The following B3GALT1 variants were observed in gnomAD, a reference collection of about 807,000 sequenced individuals.
B3GALT1 encodes beta-1,3-galactosyltransferase 1, also known as UDP-Gal:betaGlcNAc beta 1,3-galactosyltransferase, polypeptide 1.
A neutral mutation model predicts 23.2 loss-of-function variants in B3GALT1; 10 were observed. The observed-to-expected ratio is 0.43, with a 90% CI of 0.27 to 0.73. The LOEUF is 0.73. Among genes scored for constraint, B3GALT1 ranks in the 30% least tolerant of loss-of-function variants. B3GALT1 has a pLI of 0.21. For synonymous variants in B3GALT1, 156 were observed against 141.5 expected (o/e 1.10, Z -0.73); for missense variants, 299 against 405.4 (o/e 0.74, Z 2.25).
chr2:167,392,804 A>G (rs1329315291), intron 1 of B3GALT1, among the ~76,000 whole-genome samples: 1 of 152,196 alleles, frequency 6.6e-6, no homozygotes, highest in Non-Finnish European at 1.5e-5. Flanking sequence ...ATTATAATTT[A>G]TTTTAATTTA....
chr2:167,813,022 C>T (rs1006152234), intron 3 of B3GALT1, among the ~76,000 whole-genome samples: 1 of 147,766 alleles, frequency 6.8e-6, no homozygotes, highest in Non-Finnish European at 1.5e-5. Flanking sequence ...TTCAGGGTCC[C>T]TCTGTTTTTT....
chr2:167,682,406 G>A (rs1686547620), intron 3 of B3GALT1, among the ~76,000 whole-genome samples: 1 of 152,018 alleles, frequency 6.6e-6, no homozygotes, highest in African/African-American at 2.4e-5. Context: ...TATCACAATG[G>A]TCCCATTTGC....
chr2:167,528,892 G>A (rs991727880), intron 2 of B3GALT1, among the ~76,000 whole-genome samples: 1 of 152,016 alleles, frequency 6.6e-6, no homozygotes, highest in Admixed American at 6.6e-5. Flanking sequence ...TTGATCTTGG[G>A]TCTGCTTCTG....
At chr2:167,502,758 G>A (rs974744267) in intron 2 of B3GALT1, among the ~76,000 whole-genome samples, 1 of 152,192 alleles carries the variant, frequency 6.6e-6, no homozygotes, top group African/African-American at 2.4e-5. Flanking sequence ...TTTGACATGA[G>A]GCCGGGCACT....
In B3GALT1 at chr2:167,871,250, C is replaced by T. The variant is rs1690341436; in HGVS notation, c.*1230C>T. 2.0e-5 allele frequency: 3 copies of T among 152,176 alleles called. No individual in the cohort carries two copies. 9.4% of individuals were successfully genotyped at this position (152,176 alleles called of 1,614,324 possible). On this transcript the variant is annotated 3_prime_UTR_variant, in exon 5 of 5. Coordinates refer to ENST00000392690, the MANE Select transcript of B3GALT1 (RefSeq NM_020981.4). ...TTTATAAAAATGGCTGTAAAAAACACCTACCTCACAGGTGCTGTGAGAGCA... is the reference window on the plus strand; with the variant it reads ...TTTATAAAAATGGCTGTAAAAAACATCTACCTCACAGGTGCTGTGAGAGCA...
chr2:167,861,118 C>G (rs921738098), intron 4 of B3GALT1, among the ~76,000 whole-genome samples: 1 of 152,092 alleles, frequency 6.6e-6, no homozygotes, highest in African/African-American at 2.4e-5. Flanking sequence ...GATGCCAAAC[C>G]ATCATGATTT....
intron 3 of B3GALT1, among the ~76,000 whole-genome samples, chr2:167,657,433 T>G (rs1309457535): frequency 6.6e-6 from 1 of 152,074 alleles, no homozygotes; most frequent in East Asian, 1.9e-4. Context: ...AGGAGTATTA[T>G]CAGTGGTGAA....
intron 4 of B3GALT1, among the ~76,000 whole-genome samples, chr2:167,867,150 T>A (rs1690244147): frequency 1.3e-5 from 2 of 152,130 alleles, no homozygotes; most frequent in East Asian, 1.9e-4. Flanking sequence ...ATGGTCTCGA[T>A]CTCCTGACCT....
At chr2:167,561,777 A>G (rs553408719) in intron 2 of B3GALT1, among the ~76,000 whole-genome samples, 5 of 152,310 alleles carry the variant, frequency 3.3e-5, no homozygotes, top group Admixed American at 1.3e-4. Context: ...ATCTCTGAAT[A>G]GACCAATAAC....
intron 1 of B3GALT1, among the ~76,000 whole-genome samples, chr2:167,413,674 T>C (rs1029969925): frequency 6.6e-6 from 1 of 151,970 alleles, no homozygotes; most frequent in African/African-American, 2.4e-5. Context: ...TTACTACAGA[T>C]TTCTTCAGGT....
chr2:167,495,328 T>C lies in B3GALT1; in HGVS notation c.-410+5051T>C, dbSNP rs919626364. On this transcript the variant is annotated intron_variant, in intron 2 of 4. Transcript: ENST00000392690. ...GCTTTTTTCGCCAGCTTGCTTGCCT[T>C]TTTTTTTTTTTTTTTTTTTTTTGTG... Among the ~76,000 whole-genome samples the C allele has an allele frequency of 4.0e-5, 5 of 126,070 alleles. No homozygotes were observed. In the South Asian group the frequency reaches 1.0e-3, roughly 26 times the overall value. 82.7% of individuals were successfully genotyped at this position (126,070 alleles called of 152,430 possible). A position where few individuals can be genotyped will look rare whatever the true frequency, so the allele number is the denominator to read the frequency against.
chr2:167,590,324 C>T (rs1055849366), intron 2 of B3GALT1, among the ~76,000 whole-genome samples: 19 of 125,976 alleles, frequency 1.5e-4, no homozygotes, highest in African/African-American at 3.7e-4. Flanking sequence ...CCAGCCTGGG[C>T]GACAGAGCAA....
chr2:167,552,195 C>T (rs1683761219), intron 2 of B3GALT1, among the ~76,000 whole-genome samples: 1 of 152,188 alleles, frequency 6.6e-6, no homozygotes, highest in South Asian at 2.1e-4. Flanking sequence ...ATCTTCGACC[C>T]TGCATTGTCT....
chr2:167,475,724 CCATACCA>C (rs1699476138), intron 1 of B3GALT1, among the ~76,000 whole-genome samples: 1 of 152,044 alleles, frequency 6.6e-6, no homozygotes, highest in South Asian at 2.1e-4. Context: ...GGGGGTACTA[CCATACCA>C]CATACTGGCG....
chr2:167,618,884 A>T (rs1821135), intron 2 of B3GALT1, among the ~76,000 whole-genome samples: 108,824 of 151,698 alleles, frequency 0.72, 40,251 homozygotes, highest in Admixed American at 0.84. Flanking sequence ...TTTCCTGATG[A>T]TGTTAACATT....
At chr2:167,691,508 C>CA (rs11312260) in intron 3 of B3GALT1, among the ~76,000 whole-genome samples, 5 of 152,044 alleles carry the variant, frequency 3.3e-5, no homozygotes, top group Non-Finnish European at 2.9e-5. Flanking sequence ...AAGATCATCA[C>CA]AAAAAAACTT....
At chr2:167,666,857 A>G (rs950045687) in intron 3 of B3GALT1, among the ~76,000 whole-genome samples, 1 of 151,978 alleles carries the variant, frequency 6.6e-6, no homozygotes, top group Non-Finnish European at 1.5e-5. Context: ...TGCCTGTGAG[A>G]TGGGTTTACT....
intron 1 of B3GALT1, among the ~76,000 whole-genome samples, chr2:167,367,231 T>C (rs574035866): frequency 6.6e-6 from 1 of 152,270 alleles, no homozygotes; most frequent in South Asian, 2.1e-4. Context: ...CCAATAAGCC[T>C]GGGAAAAAAA....
chr2:167,521,987 T>TATATATATATATATATATACAC (rs1553464219), intron 2 of B3GALT1, among the ~76,000 whole-genome samples: 119 of 114,106 alleles, frequency 1.0e-3, no homozygotes, highest in South Asian at 4.3e-3. Flanking sequence ...TGTGTGTGTA[T>TATATATATATATATATATACAC]ATATATATAT....
Sources: allele counts gnomAD v4.1 joint callset (sites outside exome capture counted in the v4.1 genomes callset), GRCh38; gene constraint gnomAD v4.1.1; transcripts MANE v1.5; gene names NCBI Gene and HGNC (gene_info 2026-07-23, HGNC 2026-07-21).